The following CBLC variants were observed in gnomAD, a reference collection of about 807,000 sequenced individuals.
The protein encoded by CBLC is E3 ubiquitin-protein ligase CBL-C.
Under a neutral mutation model 58.6 loss-of-function variants are expected in CBLC, and 46 were observed. The observed-to-expected ratio is 0.79, with a 90% CI of 0.62 to 1.00. The LOEUF (loss-of-function observed/expected upper bound fraction) is 1.00, where lower values mean the gene tolerates loss of function less well. Ranked by LOEUF, CBLC falls within the 50% of genes least tolerant of loss-of-function variation. The probability of loss-of-function intolerance (pLI) is 0.00; values close to 1 mark genes in which losing one functional copy is unlikely to be tolerated. For missense variants in CBLC, 655 were observed against 625.8 expected, an observed-to-expected ratio of 1.05 and a Z score of -0.50; for synonymous variants, 271 against 264.2, an observed-to-expected ratio of 1.03 and a Z score of -0.25.
chr19:44,778,091 C>T lies in CBLC; in HGVS notation c.160C>T (p.Leu54=). 4 of 1,607,000 alleles carry T rather than the reference C, an allele frequency of 2.5e-6. No individual in the cohort carries two copies. Among genetic ancestry groups the T allele is most frequent in the Middle Eastern group, 1.6e-4 (1 of 6,064 alleles). The change falls in exon 1 of 11, where the codon CTG becomes TTG. Residue 54 remains leucine, a synonymous_variant. Coordinates refer to ENST00000647358, the MANE Select transcript of CBLC (RefSeq NM_012116.4). ...LRDLLPRTAQ[L]LREVAHSRRA... ...GGACCTGCTGCCCCGCACAGCGCAG[C>T]TGCTTCGAGAGGTGGCCCATTCTCG...
chr19:44,778,209 A>G lies in CBLC; in HGVS notation c.278A>G (p.Gln93Arg). The change falls in exon 1 of 11, where the codon CAG (glutamine) becomes CGG (arginine). Residue 93 changes from glutamine (Q) to arginine (R), a missense_variant. Physicochemically the swap from Gln to Arg is conservative, Grantham distance 43. Around this residue, in one of 3 missense-constraint regions of CBLC, gnomAD observed 280 missense variants for 237.2 expected, o/e 1.18. Coordinates refer to ENST00000647358, the MANE Select transcript of CBLC (RefSeq NM_012116.4). Reference protein sequence around the residue: ...YLANLEAKSRQVAALLPPRGR... With the variant: ...YLANLEAKSRRVAALLPPRGR... The stretch of plus-strand genomic sequence containing the variant: ...GCCAATCTGGAGGCCAAGAGCAGGC[A>G]GGTGGCCGCGCTGCTGCCTCCCCGG... 6.7e-7 allele frequency: 1 copy of G among 1,491,088 alleles called. No individual in the cohort carries two copies. The allele number at this position is 1,491,088 out of a possible 1,614,324, so 92.4% of individuals were successfully genotyped here.
At chr19:44,779,510 G>A (rs1967664796) in intron 1 of CBLC, among the ~76,000 whole-genome samples, 2 of 152,026 alleles carry the variant, frequency 1.3e-5, no homozygotes, top group Non-Finnish European at 1.5e-5. Context: ...GTCTAGTTCA[G>A]GGACCCATGC....
Position 44,778,256 on chromosome 19 carries a change from G to T in CBLC, c.325G>T (p.Glu109Ter). The T allele has an allele frequency of 6.9e-7, 1 of 1,447,432 alleles. No homozygotes were observed. The allele number at this position is 1,447,432 out of a possible 1,614,324, so 89.7% of individuals were successfully genotyped here. A position where few individuals can be genotyped will look rare whatever the true frequency, so the allele number is the denominator to read the frequency against. Residue 109 changes from glutamate to a stop codon, truncating the protein, a stop_gained, in exon 1 of 11, where the codon GAG becomes TAG. Transcript: ENST00000647358. LOFTEE classifies it high-confidence loss of function. ...CCGGGGCCGAAGGAGTGCCAACGAC[G>T]AGCTCTTCCGGGCGGGCTCCAGACT... ...PPRGRRSAND[E>*]LFRAGSRLRR... is the part of the protein sequence containing the mutation.
chr19:44,794,504 G>A (rs867363226), intron 9 of CBLC, among the ~76,000 whole-genome samples: 4 of 125,794 alleles, frequency 3.2e-5, no homozygotes, highest in Non-Finnish European at 4.7e-5. Flanking sequence ...TTGTTCTGTC[G>A]CTCAGGCTGG....
chr19:44,778,243 G>A lies in CBLC; in HGVS notation c.312G>A (p.Arg104=). 1 of 1,454,312 alleles carries A rather than the reference G, an allele frequency of 6.9e-7. No homozygotes were observed. Among genetic ancestry groups the A allele is most frequent in the Non-Finnish European group, 9.0e-7 (1 of 1,105,310 alleles). The allele number at this position is 1,454,312 out of a possible 1,614,324, so 90.1% of individuals were successfully genotyped here. Residue 104 remains arginine (R), a synonymous_variant, in exon 1 of 11, where the codon AGG becomes AGA. Transcript: ENST00000647358. ...VAALLPPRGR[R]SANDELFRAG... ...CGCTGCTGCCTCCCCGGGGCCGAAG[G>A]AGTGCCAACGACGAGCTCTTCCGGG...
Position 44,778,032 on chromosome 19 carries a change from A to T in CBLC, c.101A>T (p.Asp34Val). The change falls in exon 1 of 11, where the codon GAC (aspartate) becomes GTC (valine). Residue 34 changes from aspartate to valine, a missense_variant. Coordinates refer to ENST00000647358, the MANE Select transcript of CBLC (RefSeq NM_012116.4). ...CAGCGCCTAGAAGAGCAATGCGTCG[A>T]CCCCCGGCTGTCCGTGAGTCCCCCT... ...MLQRLEEQCV[D>V]PRLSVSPPSL... is the part of the protein sequence containing the mutation. 6.2e-7 allele frequency: 1 copy of T among 1,607,886 alleles called. No homozygotes were observed. Among genetic ancestry groups the T allele is most frequent in the Non-Finnish European group, 8.5e-7 (1 of 1,179,406 alleles).
chr19:44,799,584 G>A (rs549541635), intron 9 of CBLC, among the ~76,000 whole-genome samples: 6 of 152,126 alleles, frequency 3.9e-5, no homozygotes, highest in East Asian at 3.9e-4. Flanking sequence ...CACCCACCTC[G>A]GCCTCCCAAA....
chr19:44,794,539 A>G (rs1704941372), intron 9 of CBLC, among the ~76,000 whole-genome samples: 1 of 133,026 alleles, frequency 7.5e-6, no homozygotes, highest in Non-Finnish European at 1.5e-5. Context: ...ATCTTGGCTC[A>G]CTGCAACCTC....
At chr19:44,779,168 T>C (rs1326752412) in intron 1 of CBLC, among the ~76,000 whole-genome samples, 3 of 152,212 alleles carry the variant, frequency 2.0e-5, no homozygotes, top group Non-Finnish European at 4.4e-5. Context: ...ACATTTGTGA[T>C]CAGAACTTGG....
chr19:44,799,614 G>A (rs1303526313), intron 9 of CBLC, among the ~76,000 whole-genome samples: 1 of 152,022 alleles, frequency 6.6e-6, no homozygotes, highest in Non-Finnish European at 1.5e-5. Context: ...TTACGGGTGT[G>A]AGCCACCGCG....
intron 3 of CBLC, 82 bp downstream of exon 3, chr19:44,781,445 G>T: frequency 7.0e-7 from 1 of 1,419,698 alleles, no homozygotes. Context: ...GGGTCTGAGG[G>T]AGGAAGGGCC....
intron 9 of CBLC, among the ~76,000 whole-genome samples, chr19:44,800,154 A>C (rs1465848245): frequency 1.3e-5 from 2 of 152,146 alleles, no homozygotes; most frequent in African/African-American, 2.4e-5. Context: ...CCTAGCAGAG[A>C]CATTTCTTCA....
At chr19:44,784,425 G>A in intron 5 of CBLC, 24 bp downstream of exon 5, 2 of 1,551,382 alleles carry the variant, frequency 1.3e-6, no homozygotes, top group East Asian at 2.3e-5. Flanking sequence ...CTGGTAGGAG[G>A]AGGGTGTCAG....
rs1336377385 is a variant in CBLC, at chr19:44,778,203, G to A, written c.272G>A (p.Ser91Asn). ...LIYLANLEAKSRQVAALLPPR... is the reference protein window; with the variant it reads ...LIYLANLEAKNRQVAALLPPR... ...TACCTGGCCAATCTGGAGGCCAAGA[G>A]CAGGCAGGTGGCCGCGCTGCTGCCT... Residue 91 changes from serine (S) to asparagine (N), a missense_variant, in exon 1 of 11, where the codon AGC (serine) becomes AAC (asparagine). Physicochemically the swap from Ser to Asn is conservative, Grantham distance 46. This residue lies in a region of CBLC where 280 missense variants were observed against 237.2 expected (regional missense o/e 1.18). Transcript: ENST00000647358. 1 of 1,500,094 alleles carries A rather than the reference G, an allele frequency of 6.7e-7. No individual in the cohort carries two copies. The allele number at this position is 1,500,094 out of a possible 1,614,324, so 92.9% of individuals were successfully genotyped here. A position where few individuals can be genotyped will look rare whatever the true frequency, so the allele number is the denominator to read the frequency against.
intron 5 of CBLC, among the ~76,000 whole-genome samples, chr19:44,788,093 G>A (rs1371372783): frequency 6.6e-6 from 1 of 151,912 alleles, no homozygotes; most frequent in Non-Finnish European, 1.5e-5. Flanking sequence ...CACTGCACCT[G>A]GCCAGCGCTT....
intron 4 of CBLC, 125 bp from the exon 5 acceptor site, chr19:44,784,139 G>T (rs1313618564): frequency 1.2e-6 from 1 of 826,278 alleles, no homozygotes; most frequent in Non-Finnish European, 1.8e-6. Flanking sequence ...CCGTTGCCTA[G>T]AGGATGGGAA....
At chr19:44,793,271 C>T (rs767107698) in intron 7 of CBLC, among the ~76,000 whole-genome samples, 23 of 152,146 alleles carry the variant, frequency 1.5e-4, no homozygotes, top group Non-Finnish European at 2.8e-4. Context: ...CTGACCTCGG[C>T]TCTGGTTCCG....
intron 4 of CBLC, among the ~76,000 whole-genome samples, chr19:44,783,971 T>G (rs1967817339): frequency 6.6e-6 from 1 of 152,062 alleles, no homozygotes. Flanking sequence ...TGGTCAGGGG[T>G]CCTGAAATGC....
chr19:44,782,524 G>T, intron 4 of CBLC, 33 bp downstream of exon 4: 1 of 1,582,700 alleles, frequency 6.3e-7, no homozygotes, highest in Non-Finnish European at 8.7e-7. Context: ...GAACAAGGCT[G>T]CAGGGCTCAG....
Sources: gnomAD v4.1 joint callset for allele counts (sites outside exome capture counted in the v4.1 genomes callset) on GRCh38, gnomAD v4.1.1 for gene constraint, gnomAD v4.1.1 regional missense constraint, MANE v1.5 for transcripts, NCBI Gene and HGNC (gene_info 2026-07-23, HGNC 2026-07-21) for gene names.